The following KIAA1217 variants were observed in gnomAD, a reference collection of about 807,000 sequenced individuals.
KIAA1217 encodes the protein sickle tail protein homolog.
In KIAA1217, 88 loss-of-function variants were observed where a neutral mutation model predicts 163.9. That is an observed-to-expected ratio of 0.54 (90% CI 0.45 to 0.64). The LOEUF (loss-of-function observed/expected upper bound fraction) is 0.64. KIAA1217 is among the 30% of genes least tolerant of loss of function. The probability of loss-of-function intolerance (pLI) is 0.00; values close to 1 mark genes in which losing one functional copy is unlikely to be tolerated. For missense variants in KIAA1217, 2,372 were observed against 2,475.0 expected, an observed-to-expected ratio of 0.96 and a Z score of 0.88; for synonymous variants, 903 against 923.1, an observed-to-expected ratio of 0.98 and a Z score of 0.39.
intron 1 of KIAA1217, among the ~76,000 whole-genome samples, chr10:23,749,975 C>A (rs1220070714): frequency 2.0e-5 from 3 of 152,078 alleles, no homozygotes; most frequent in South Asian, 4.1e-4. Context: ...CTTTCCGTTT[C>A]CTTTCTCTTC....
chr10:24,453,734 A>G (rs2061559842), intron 5 of KIAA1217, among the ~76,000 whole-genome samples: 1 of 152,246 alleles, frequency 6.6e-6, no homozygotes. Context: ...GGTGGCAACT[A>G]GAAAAGCAGT....
chr10:23,896,819 T>C (rs973754329), intron 1 of KIAA1217, among the ~76,000 whole-genome samples: 1 of 152,090 alleles, frequency 6.6e-6, no homozygotes, highest in Admixed American at 6.6e-5. Context: ...CTGGCTTCTT[T>C]TTTACAAAGT....
chr10:23,696,595 C>T (rs888554292), intron 1 of KIAA1217, among the ~76,000 whole-genome samples: 23 of 152,184 alleles, frequency 1.5e-4, no homozygotes, highest in African/African-American at 5.3e-4. Flanking sequence ...CTAGATGCTC[C>T]TGCAACAGAG....
At chr10:23,741,970 G>A (rs1246345340) in intron 1 of KIAA1217, among the ~76,000 whole-genome samples, 3 of 152,180 alleles carry the variant, frequency 2.0e-5, no homozygotes, top group Admixed American at 6.5e-5. Flanking sequence ...GGTGAGTGAT[G>A]TAGTTTGATT....
chr10:24,123,275 G>A lies in KIAA1217; in HGVS notation c.-170-96351G>A, dbSNP rs146119794. On this transcript the variant is annotated intron_variant, in intron 2 of 18. Transcript: ENST00000376462. The stretch of plus-strand genomic sequence containing the variant: ...ATAGTCCATATTCTTTTGTAACTTT[G>A]TTTACATTCAACATTATTTTGGGCA... 3.7e-3 allele frequency among the ~76,000 whole-genome samples: 564 copies of A among 151,804 alleles called. 2 individuals carry two copies. The highest frequency in any genetic ancestry group is 0.013 in the African/African-American group (538 of 41,372).
intron 2 of KIAA1217, among the ~76,000 whole-genome samples, chr10:24,113,421 C>A (rs2062932468): frequency 6.6e-6 from 1 of 152,116 alleles, no homozygotes; most frequent in South Asian, 2.1e-4. Flanking sequence ...TCAACAACAC[C>A]AAATCTGATG....
In KIAA1217 at chr10:24,284,972, C is replaced by T. The variant is rs149951985; in HGVS notation, c.354+65063C>T. ...GGTTTCTCATTGTGGTTTTGATTTG[C>T]ATTTAATGATCAATGATGATTAGCT... On this transcript the variant is annotated intron_variant, in intron 2 of 20. Coordinates refer to ENST00000376454, the MANE Select transcript of KIAA1217 (RefSeq NM_019590.5). Among the ~76,000 whole-genome samples, 575 of 152,244 alleles carry T rather than the reference C, an allele frequency of 3.8e-3. 6 individuals are homozygous for T. Among genetic ancestry groups the T allele is most frequent in the African/African-American group, 0.013 (548 of 41,544 alleles).
At chr10:23,831,706 G>T (rs1838211215) in intron 1 of KIAA1217, among the ~76,000 whole-genome samples, 1 of 151,908 alleles carries the variant, frequency 6.6e-6, no homozygotes, top group Non-Finnish European at 1.5e-5. Context: ...CCCATTTCTG[G>T]TTTTCATTCT....
intron 2 of KIAA1217, among the ~76,000 whole-genome samples, chr10:24,332,114 T>A (rs1251766786): frequency 6.6e-6 from 1 of 152,234 alleles, no homozygotes; most frequent in Admixed American, 6.5e-5. Context: ...GTAGTCAGGT[T>A]GTCTGTTTTC....
At chr10:24,137,062 A>T (rs1274386000) in intron 2 of KIAA1217, among the ~76,000 whole-genome samples, 1 of 152,244 alleles carries the variant, frequency 6.6e-6, no homozygotes, top group African/African-American at 2.4e-5. Context: ...GATAGCACTC[A>T]TTTAATACGT....
At chr10:24,288,291 G>T (rs1806997313) in intron 2 of KIAA1217, among the ~76,000 whole-genome samples, 1 of 152,142 alleles carries the variant, frequency 6.6e-6, no homozygotes. Context: ...CTATTTTATA[G>T]ACTAGTAAAC....
At chr10:23,755,068 A>T (rs559876292) in intron 1 of KIAA1217, among the ~76,000 whole-genome samples, 1 of 152,310 alleles carries the variant, frequency 6.6e-6, no homozygotes, top group Non-Finnish European at 1.5e-5. Context: ...AGACTGTGTA[A>T]TTGTCAGGAC....
At chr10:24,087,560 T>C (rs1421795438) in intron 2 of KIAA1217, among the ~76,000 whole-genome samples, 1 of 152,242 alleles carries the variant, frequency 6.6e-6, no homozygotes, top group Non-Finnish European at 1.5e-5. Context: ...TAATAAATGC[T>C]TGAGTTAACT....
intron 3 of KIAA1217, among the ~76,000 whole-genome samples, chr10:24,399,977 G>A (rs542316594): frequency 1.8e-4 from 27 of 152,344 alleles, no homozygotes; most frequent in African/African-American, 4.8e-4. Flanking sequence ...TTTCAGAGAT[G>A]GGTACCATGT....
At chr10:23,954,654 G>A (rs1844480586) in intron 1 of KIAA1217, among the ~76,000 whole-genome samples, 1 of 151,658 alleles carries the variant, frequency 6.6e-6, no homozygotes, top group African/African-American at 2.4e-5. Flanking sequence ...AGAGAGGGAG[G>A]AAAGAAGGAA....
intron 2 of KIAA1217, among the ~76,000 whole-genome samples, chr10:24,080,252 G>A (rs1252775000): frequency 6.6e-6 from 1 of 152,216 alleles, no homozygotes; most frequent in African/African-American, 2.4e-5. Flanking sequence ...GATGGCTGCT[G>A]GCTGAGCAGG....
At chr10:23,946,013 T>C (rs1844023803) in intron 1 of KIAA1217, among the ~76,000 whole-genome samples, 1 of 152,178 alleles carries the variant, frequency 6.6e-6, no homozygotes, top group African/African-American at 2.4e-5. Flanking sequence ...TCCATGTCAA[T>C]AGTATTAGGC....
chr10:24,497,719 CAAAAA>C (rs576820337), intron 8 of KIAA1217, among the ~76,000 whole-genome samples: 1 of 75,514 alleles, frequency 1.3e-5, no homozygotes. Flanking sequence ...GACCTTGTCT[CAAAAA>C]AAAAAAAAAA....
At chr10:24,078,617 CTT>C (rs2061441819) in intron 2 of KIAA1217, among the ~76,000 whole-genome samples, 1 of 152,192 alleles carries the variant, frequency 6.6e-6, no homozygotes, top group Non-Finnish European at 1.5e-5. Flanking sequence ...TGTGTCTTCT[CTT>C]ATACAATGAA....
Sources: allele counts gnomAD v4.1 joint callset (sites outside exome capture counted in the v4.1 genomes callset), GRCh38; gene constraint gnomAD v4.1.1; transcripts MANE v1.5; gene names NCBI Gene and HGNC (gene_info 2026-07-23, HGNC 2026-07-21).